SULF2: variants seen among roughly 807,000 people sequenced by gnomAD.
The protein encoded by SULF2 is extracellular sulfatase Sulf-2.
In SULF2, 52 loss-of-function variants were observed where a neutral mutation model predicts 107.7. The ratio of observed to expected loss-of-function variants is 0.48; its 90% CI spans 0.39 to 0.61. The LOEUF (loss-of-function observed/expected upper bound fraction) is 0.61. Among genes scored for constraint, SULF2 ranks in the 20% least tolerant of loss-of-function variants. The pLI, the probability that SULF2 is intolerant of heterozygous loss-of-function variation, is 0.00. For synonymous variants in SULF2, 460 were observed against 464.3 expected (o/e 0.99, Z 0.12); for missense variants, 993 against 1,177.3 (o/e 0.84, Z 2.29).
chr20:47,755,751 C>T (rs1317110164), intron 2 of SULF2, among the ~76,000 whole-genome samples: 1 of 152,074 alleles, frequency 6.6e-6, no homozygotes, highest in Non-Finnish European at 1.5e-5. Context: ...AGGTCACGGC[C>T]TTCCTCTTCT....
At chr20:47,681,564 C>T (rs1798357956) in intron 7 of SULF2, among the ~76,000 whole-genome samples, 1 of 152,160 alleles carries the variant, frequency 6.6e-6, no homozygotes, top group Non-Finnish European at 1.5e-5. Context: ...GGTTTCAAGC[C>T]CCAGCCCCTT....
intron 2 of SULF2, among the ~76,000 whole-genome samples, chr20:47,745,394 A>AGG (rs1568891791): frequency 3.4e-3 from 62 of 18,214 alleles, no homozygotes; most frequent in African/African-American, 3.7e-3. Context: ...AAAAAAAAAA[A>AGG]AAAAAAAAAA....
intron 1 of SULF2, among the ~76,000 whole-genome samples, chr20:47,769,924 C>T (rs542106025): frequency 1.3e-5 from 2 of 151,426 alleles, no homozygotes; most frequent in South Asian, 4.2e-4. Context: ...GCACAGGGAA[C>T]AGAAAGCGCA....
At chr20:47,720,947 T>G (rs886728460) in intron 3 of SULF2, among the ~76,000 whole-genome samples, 1 of 152,178 alleles carries the variant, frequency 6.6e-6, no homozygotes, top group Non-Finnish European at 1.5e-5. Context: ...ATATTAGATG[T>G]GAAATGCCAC....
Position 47,777,098 on chromosome 20 carries a change from A to G in SULF2, c.-101+8245T>C, listed in dbSNP as rs117926708. On this transcript the variant is annotated intron_variant, in intron 1 of 20. Coordinates refer to ENST00000688720, the MANE Select transcript of SULF2 (RefSeq NM_001387048.1). ...AGAGCTTGCTTTTTAGTGAGGAGAG[A>G]GAAGACAAAGGACAAATAAGCAAAC... is the stretch of plus-strand genomic sequence containing the variant. 2.1e-4 allele frequency among the ~76,000 whole-genome samples: 32 copies of G among 152,350 alleles called. No homozygotes were observed. The East Asian group carries it at 4.6e-3, about 22-fold the overall frequency.
intron 10 of SULF2, among the ~76,000 whole-genome samples, chr20:47,675,220 C>A (rs2087602290): frequency 6.6e-6 from 1 of 152,158 alleles, no homozygotes; most frequent in Non-Finnish European, 1.5e-5. Context: ...GAACTAAAAT[C>A]AGAACCACTT....
At chr20:47,763,033 C>T (rs2090449402) in intron 1 of SULF2, among the ~76,000 whole-genome samples, 2 of 152,208 alleles carry the variant, frequency 1.3e-5, no homozygotes, top group South Asian at 2.1e-4. Flanking sequence ...GGGATTCTGC[C>T]TTGTTTTTTT....
At chr20:47,671,002 G>A (rs944772639) in intron 11 of SULF2, among the ~76,000 whole-genome samples, 4 of 151,986 alleles carry the variant, frequency 2.6e-5, no homozygotes, top group Non-Finnish European at 4.4e-5. Context: ...GGCGGACCCC[G>A]ACGCCTCCAC....
chr20:47,673,491 C>A (rs1436570786), intron 10 of SULF2, among the ~76,000 whole-genome samples: 1 of 152,012 alleles, frequency 6.6e-6, no homozygotes, highest in African/African-American at 2.4e-5. Flanking sequence ...GTGCCACCAT[C>A]CCCCCCAACC....
chr20:47,665,446 G>T (rs962157880), intron 13 of SULF2, among the ~76,000 whole-genome samples, 153 bp from the exon 14 acceptor site: 1 of 152,194 alleles, frequency 6.6e-6, no homozygotes, highest in Non-Finnish European at 1.5e-5. Context: ...TGTCTGGGTG[G>T]GGAGGAGGTA....
At chr20:47,720,764 C>T (rs1036667141) in intron 3 of SULF2, among the ~76,000 whole-genome samples, 3 of 152,120 alleles carry the variant, frequency 2.0e-5, no homozygotes, top group Non-Finnish European at 2.9e-5. Flanking sequence ...ACCCCTGACA[C>T]CAGTAGAAGA....
At chr20:47,662,612 G>A (rs2087113379) in intron 17 of SULF2, among the ~76,000 whole-genome samples, 1 of 152,162 alleles carries the variant, frequency 6.6e-6, no homozygotes, top group African/African-American at 2.4e-5. Flanking sequence ...GTCTTGTGTG[G>A]TCCTGGGCCA....
At chr20:47,679,724 G>A (rs1353066658) in intron 7 of SULF2, among the ~76,000 whole-genome samples, 1 of 152,182 alleles carries the variant, frequency 6.6e-6, no homozygotes, top group Non-Finnish European at 1.5e-5. Flanking sequence ...AGACGACCCT[G>A]CAGGGCTAGG....
At chr20:47,728,367 A>G (rs1481713055) in intron 3 of SULF2, among the ~76,000 whole-genome samples, 1 of 152,136 alleles carries the variant, frequency 6.6e-6, no homozygotes, top group Non-Finnish European at 1.5e-5. Flanking sequence ...CCCGGGAATA[A>G]TTTCAGTCTT....
chr20:47,736,988 C>A (rs763888683), intron 2 of SULF2, 46 bp from the exon 3 acceptor site: 2 of 1,608,038 alleles, frequency 1.2e-6, no homozygotes, highest in East Asian at 2.2e-5. Flanking sequence ...GAGACCCGGG[C>A]GGCACCGGCA....
chr20:47,733,162 C>T (rs551771657), intron 3 of SULF2, among the ~76,000 whole-genome samples: 3 of 152,090 alleles, frequency 2.0e-5, no homozygotes, highest in Admixed American at 6.5e-5. Context: ...AATCCACTGA[C>T]GAATAATTAC....
At chr20:47,730,943 C>T (rs915388171) in intron 3 of SULF2, among the ~76,000 whole-genome samples, 3 of 152,092 alleles carry the variant, frequency 2.0e-5, no homozygotes, top group Admixed American at 2.0e-4. Flanking sequence ...TGGCACAAAC[C>T]ATGTGCTTTA....
chr20:47,659,773 TTAG>T, intron 18 of SULF2, 43 bp from the exon 19 acceptor site: 2 of 1,563,906 alleles, frequency 1.3e-6, no homozygotes, highest in Non-Finnish European at 1.8e-6. Flanking sequence ...AGCAGATAGT[TTAG>T]GCAAAACAAC....
At chr20:47,689,180 G>T (rs776306332) in intron 5 of SULF2, among the ~76,000 whole-genome samples, 2 of 152,112 alleles carry the variant, frequency 1.3e-5, no homozygotes, top group Non-Finnish European at 2.9e-5. Flanking sequence ...TGTAAAATGG[G>T]AATACCAAGT....
Sources: allele counts gnomAD v4.1 joint callset (sites outside exome capture counted in the v4.1 genomes callset), GRCh38; gene constraint gnomAD v4.1.1; transcripts MANE v1.5; gene names NCBI Gene and HGNC (gene_info 2026-07-23, HGNC 2026-07-21).